The following FTO variants were observed in gnomAD, a reference collection of about 807,000 sequenced individuals.
FTO encodes FTO alpha-ketoglutarate dependent dioxygenase.
A neutral mutation model predicts 63.9 loss-of-function variants in FTO; 47 were observed. That is an observed-to-expected ratio of 0.74 (90% CI 0.58 to 0.94). FTO has a LOEUF of 0.94. Ranked by LOEUF, FTO falls within the 40% of genes least tolerant of loss-of-function variation. The probability of loss-of-function intolerance (pLI) is 0.00; values close to 1 mark genes in which losing one functional copy is unlikely to be tolerated. For synonymous variants in FTO, 207 were observed against 224.4 expected (o/e 0.92, Z 0.69); for missense variants, 562 against 618.1 (o/e 0.91, Z 0.96).
At chr16:53,809,119 A>G (rs142391622) in intron 1 of FTO, among the ~76,000 whole-genome samples, 1 of 152,320 alleles carries the variant, frequency 6.6e-6, no homozygotes, top group African/African-American at 2.4e-5. Flanking sequence ...ATAATATGAG[A>G]TCGTCTTTCA....
At chr16:53,816,561 A>G (rs896774714) in intron 2 of FTO, among the ~76,000 whole-genome samples, 1 of 145,830 alleles carries the variant, frequency 6.9e-6, no homozygotes, top group Admixed American at 7.0e-5. Context: ...AACCAAGCTC[A>G]CTCCTGCCCC....
chr16:53,976,557 T>C (rs1313288133), intron 8 of FTO, among the ~76,000 whole-genome samples: 1 of 152,176 alleles, frequency 6.6e-6, no homozygotes, highest in African/African-American at 2.4e-5. Flanking sequence ...ACTGTTTTCA[T>C]GCCCTTTTTG....
chr16:54,068,401 G>T (rs1262263924), intron 8 of FTO, among the ~76,000 whole-genome samples: 1 of 152,180 alleles, frequency 6.6e-6, no homozygotes, highest in East Asian at 1.9e-4. Flanking sequence ...GCAAAGTCTA[G>T]CTCTAAAAAA....
At chr16:53,940,484 T>A (rs955863168) in intron 8 of FTO, among the ~76,000 whole-genome samples, 12 of 152,214 alleles carry the variant, frequency 7.9e-5, no homozygotes, top group African/African-American at 2.9e-4. Context: ...GCCCCACTTA[T>A]TTTTTTCTAG....
intron 3 of FTO, among the ~76,000 whole-genome samples, chr16:53,841,051 T>A (rs2079460999): frequency 1.8e-5 from 1 of 56,626 alleles, no homozygotes; most frequent in African/African-American, 8.5e-5. Context: ...GTATATTATG[T>A]ATGAATAAGA....
chr16:54,034,191 A>C lies in FTO; in HGVS notation c.1365-77571A>C, dbSNP rs376433791. 4.6e-5 allele frequency: 7 copies of C among 152,312 alleles called. No individual in the cohort carries two copies. The South Asian group carries it at 1.2e-3, about 27-fold the overall frequency. 9.4% of individuals were successfully genotyped at this position (152,312 alleles called of 1,614,324 possible). A position where few individuals can be genotyped will look rare whatever the true frequency, so the allele number is the denominator to read the frequency against. Reference sequence around the variant, plus strand: ...AAATCTTGCATTTACTTTTTTTTAAATAGACTTTAAACATTGATTTTCCTT... The same window carrying C: ...AAATCTTGCATTTACTTTTTTTTAACTAGACTTTAAACATTGATTTTCCTT... On this transcript the variant is annotated intron_variant, in intron 8 of 8. Coordinates refer to ENST00000471389, the MANE Select transcript of FTO (RefSeq NM_001080432.3).
At chr16:53,760,827 A>G (rs1447255075) in intron 1 of FTO, among the ~76,000 whole-genome samples, 3 of 151,034 alleles carry the variant, frequency 2.0e-5, no homozygotes, top group African/African-American at 4.9e-5. Context: ...GGGTTTCACC[A>G]TGTTGGCCAG....
At chr16:53,866,668 A>T (rs1212343425) in intron 4 of FTO, among the ~76,000 whole-genome samples, 2 of 152,140 alleles carry the variant, frequency 1.3e-5, no homozygotes, top group Non-Finnish European at 1.5e-5. Context: ...AACTATTGAC[A>T]TCATTTTAAA....
At chr16:54,101,680 A>G (rs13330211) in intron 8 of FTO, among the ~76,000 whole-genome samples, 16,794 of 152,214 alleles carry the variant, frequency 0.11, 1,131 homozygotes, top group South Asian at 0.19. Context: ...GTGTATACCC[A>G]GTAATGGGAT....
intron 7 of FTO, among the ~76,000 whole-genome samples, chr16:53,923,746 G>A (rs889299401): frequency 1.3e-4 from 19 of 150,744 alleles, no homozygotes; most frequent in African/African-American, 4.2e-4. Flanking sequence ...AAACACCAGC[G>A]TTGCCAACTG....
intron 2 of FTO, among the ~76,000 whole-genome samples, chr16:53,821,037 TTA>T (rs1451325935): frequency 1.3e-5 from 2 of 152,162 alleles, no homozygotes; most frequent in Non-Finnish European, 2.9e-5. Context: ...ATTTATGTGG[TTA>T]TATGTTTTTC....
At chr16:53,993,079 T>C (rs1348725986) in intron 8 of FTO, 1 of 152,242 alleles carries the variant, frequency 6.6e-6, no homozygotes. Flanking sequence ...CTGTTTCTAC[T>C]TTTCTCGTTC....
At chr16:54,073,516 G>A (rs1267459043) in intron 8 of FTO, among the ~76,000 whole-genome samples, 1 of 151,942 alleles carries the variant, frequency 6.6e-6, no homozygotes, top group Non-Finnish European at 1.5e-5. Flanking sequence ...TAGTCCCCGA[G>A]AAAGGAAGGC....
At chr16:53,896,852 G>T (rs2081289933) in intron 7 of FTO, among the ~76,000 whole-genome samples, 1 of 152,116 alleles carries the variant, frequency 6.6e-6, no homozygotes, top group African/African-American at 2.4e-5. Context: ...CGCTCCTCTT[G>T]CAATGCGTCT....
At chr16:53,980,270 T>C (rs1026971046) in intron 8 of FTO, among the ~76,000 whole-genome samples, 1 of 152,168 alleles carries the variant, frequency 6.6e-6, no homozygotes, top group South Asian at 2.1e-4. Flanking sequence ...TACCGAACAA[T>C]TGTGAAATTA....
chr16:54,005,416 T>C (rs1257026109), intron 8 of FTO, among the ~76,000 whole-genome samples: 2 of 149,360 alleles, frequency 1.3e-5, no homozygotes, highest in African/African-American at 4.9e-5. Flanking sequence ...TATACATATA[T>C]GTATGTGTAC....
chr16:53,886,610 C>G (rs2081003714), intron 6 of FTO, among the ~76,000 whole-genome samples: 1 of 152,154 alleles, frequency 6.6e-6, no homozygotes, highest in Non-Finnish European at 1.5e-5. Flanking sequence ...TTAATATTGT[C>G]TACATTCCTT....
At chr16:53,788,338 C>T (rs753961591) in intron 1 of FTO, among the ~76,000 whole-genome samples, 2 of 152,050 alleles carry the variant, frequency 1.3e-5, no homozygotes, top group African/African-American at 4.8e-5. Flanking sequence ...TGGGGTGGCT[C>T]ATGCCTGTAA....
chr16:53,973,741 G>A (rs2083380445), intron 8 of FTO, among the ~76,000 whole-genome samples: 1 of 152,184 alleles, frequency 6.6e-6, no homozygotes, highest in Non-Finnish European at 1.5e-5. Context: ...CCAGTGGAAA[G>A]GTGCATGAGG....
Sources: allele counts gnomAD v4.1 joint callset (sites outside exome capture counted in the v4.1 genomes callset), GRCh38; gene constraint gnomAD v4.1.1; transcripts MANE v1.5; gene names NCBI Gene and HGNC (gene_info 2026-07-23, HGNC 2026-07-21).